MRTFA: variants seen among roughly 807,000 people sequenced by gnomAD.
MRTFA encodes myocardin related transcription factor A.
MRTFA carries 20 observed loss-of-function variants against 83.5 expected under a neutral mutation model. That is an observed-to-expected ratio of 0.24 (90% CI 0.17 to 0.35). The LOEUF (loss-of-function observed/expected upper bound fraction) is 0.35, where lower values mean the gene tolerates loss of function less well. Ranked by LOEUF, MRTFA falls within the 10% of genes least tolerant of loss-of-function variation. MRTFA has a pLI of 1.00. For synonymous variants in MRTFA, 659 were observed against 541.2 expected, an observed-to-expected ratio of 1.22 and a Z score of -3.02; for missense variants, 1,200 against 1,224.7, an observed-to-expected ratio of 0.98 and a Z score of 0.30.
At chr22:40,523,966 C>T (rs1195997316) in intron 3 of MRTFA, among the ~76,000 whole-genome samples, 2 of 152,026 alleles carry the variant, frequency 1.3e-5, no homozygotes, top group Non-Finnish European at 2.9e-5. Context: ...CCTCAAGATC[C>T]TATTTGCAAG....
chr22:40,614,548 C>T (rs1027973460), intron 1 of MRTFA, among the ~76,000 whole-genome samples: 13 of 152,098 alleles, frequency 8.5e-5, no homozygotes, highest in Admixed American at 6.6e-4. Flanking sequence ...AGTGCAATGG[C>T]GCGATCTCGG....
intron 1 of MRTFA, among the ~76,000 whole-genome samples, chr22:40,628,654 TAAA>T (rs55678346): frequency 2.1e-5 from 3 of 142,662 alleles, no homozygotes; most frequent in South Asian, 4.3e-4. Flanking sequence ...AATGTGGAAG[TAAA>T]AAAAAAAAAA....
chr22:40,566,330 C>T (rs1208443048), intron 2 of MRTFA, among the ~76,000 whole-genome samples: 2 of 151,660 alleles, frequency 1.3e-5, no homozygotes, highest in Non-Finnish European at 2.9e-5. Flanking sequence ...AAGCAATTCT[C>T]TGCCTCGGCC....
At position 40,459,074 on chromosome 22, in the gene MRTFA, C is replaced by CA. The variant is rs748583788; in HGVS notation, c.307+4146dup. ...TCGGCGACAGAGTGAGACTTTGTCT[C>CA]AAAAAAAAAAAAAAAAGACATGGAG... On this transcript the variant is annotated intron_variant, in intron 4 of 14. Transcript: ENST00000355630. Among the ~76,000 whole-genome samples the CA allele has an allele frequency of 3.2e-3, 280 of 87,234 alleles. 1 individual carries two copies. Among genetic ancestry groups the CA allele is most frequent in the South Asian group, 8.7e-3 (24 of 2,770 alleles). 57.2% of individuals were successfully genotyped at this position (87,234 alleles called of 152,430 possible).
chr22:40,463,436 G>A, intron 3 of MRTFA, 150 bp from the exon 4 acceptor site: 1 of 638,986 alleles, frequency 1.6e-6, no homozygotes, highest in Non-Finnish European at 2.8e-6. Flanking sequence ...TGTAATTGCA[G>A]AAGTGGCCTG....
intron 4 of MRTFA, among the ~76,000 whole-genome samples, chr22:40,453,764 A>T (rs1024897738): frequency 2.0e-5 from 3 of 152,098 alleles, no homozygotes; most frequent in Non-Finnish European, 2.9e-5. Context: ...AGGAGTGGGG[A>T]TGGAGGACAG....
chr22:40,575,746 G>A (rs1201984440), intron 2 of MRTFA, among the ~76,000 whole-genome samples: 7 of 152,152 alleles, frequency 4.6e-5, no homozygotes, highest in Admixed American at 4.6e-4. Flanking sequence ...ATGACCATAG[G>A]TTATTAGGTT....
chr22:40,565,870 G>A (rs1006097152), intron 2 of MRTFA, among the ~76,000 whole-genome samples: 1 of 152,144 alleles, frequency 6.6e-6, no homozygotes, highest in Non-Finnish European at 1.5e-5. Flanking sequence ...ATGAGGCACT[G>A]TATGTGTATG....
intron 2 of MRTFA, among the ~76,000 whole-genome samples, chr22:40,562,731 AG>A (rs1392921026): frequency 4.5e-4 from 22 of 48,970 alleles, no homozygotes; most frequent in East Asian, 8.8e-4. Flanking sequence ...GGAAGGGGGA[AG>A]GGGGGAAGGG....
chr22:40,411,473 G>C lies in MRTFA; in HGVS notation c.3013C>G (p.Leu1005Val), dbSNP rs1467163061. The C allele has an allele frequency of 6.2e-7, 1 of 1,605,736 alleles. No individual in the cohort carries two copies. The highest frequency in any genetic ancestry group is 2.2e-5 in the East Asian group (1 of 44,608). The change falls in exon 15 of 15, where the codon CTC becomes GTC. Residue 1005 changes from leucine (L) to valine (V), a missense_variant. Physicochemically the swap from Leu to Val is conservative, Grantham distance 32 (BLOSUM62 1). Around this residue, in one of 2 missense-constraint regions of MRTFA, gnomAD observed 1,107 missense variants for 1,041.8 expected, o/e 1.06. Coordinates refer to ENST00000355630, the MANE Select transcript of MRTFA (RefSeq NM_020831.6). ...AAGAGGCTGGGGGCTGTGGTGCTGA[G>C]GGGGGCTAGGCTCAGCACGGGACCA...
At chr22:40,581,938 A>G (rs962885899) in intron 2 of MRTFA, among the ~76,000 whole-genome samples, 1 of 152,200 alleles carries the variant, frequency 6.6e-6, no homozygotes, top group Non-Finnish European at 1.5e-5. Flanking sequence ...CACATACTAT[A>G]AAATTCGCCC....
intron 3 of MRTFA, among the ~76,000 whole-genome samples, chr22:40,511,358 A>C (rs2054664747): frequency 6.6e-6 from 1 of 152,236 alleles, no homozygotes; most frequent in Non-Finnish European, 1.5e-5. Context: ...GGTTGGGAGT[A>C]GTCACTGAGA....
intron 3 of MRTFA, among the ~76,000 whole-genome samples, chr22:40,480,909 C>T (rs865877777): frequency 3.3e-5 from 5 of 151,876 alleles, no homozygotes; most frequent in South Asian, 2.1e-4. Context: ...CCAACATGCC[C>T]GGCCAGAGTT....
Position 40,411,700 on chromosome 22 carries a change from C to G in MRTFA, c.2786G>C (p.Ser929Thr). The G allele has an allele frequency of 6.3e-7, 1 of 1,591,214 alleles. No homozygotes were observed. The highest frequency in any genetic ancestry group is 1.1e-5 in the South Asian group (1 of 87,390). ...AAGGGGCTCTGGCCCGTCATGCCCA[C>G]TGGTCAGCAGGGGCAGCCCCGTGCT... The change falls in exon 15 of 15, where the codon AGT (serine) becomes ACT (threonine). Residue 929 changes from serine (S) to threonine (T), a missense_variant. By Grantham distance (58) the Ser-to-Thr change is moderately conservative (BLOSUM62 1). Transcript: ENST00000355630.
chr22:40,485,821 C>G (rs2054165748), intron 3 of MRTFA, among the ~76,000 whole-genome samples: 1 of 152,168 alleles, frequency 6.6e-6, no homozygotes, highest in Admixed American at 6.5e-5. Flanking sequence ...GGAGGAGGAG[C>G]AAGGGCTGTG....
chr22:40,530,122 C>A lies in MRTFA; in HGVS notation c.241+21984G>T, dbSNP rs866298736. Reference sequence around the variant, plus strand: ...CCTGCTGTTGTTATAACTAAGAGGACTGCACTAGATGGATACACCTTAGGG... The same window carrying A: ...CCTGCTGTTGTTATAACTAAGAGGAATGCACTAGATGGATACACCTTAGGG... On this transcript the variant is annotated intron_variant, in intron 3 of 14. Coordinates refer to ENST00000355630, the MANE Select transcript of MRTFA (RefSeq NM_020831.6). 8.5e-5 allele frequency among the ~76,000 whole-genome samples: 13 copies of A among 152,284 alleles called. 1 individual carries two copies. The highest frequency in any genetic ancestry group is 3.4e-3 in the Middle Eastern group (1 of 294).
chr22:40,607,622 G>A (rs764925884), intron 1 of MRTFA, among the ~76,000 whole-genome samples: 13 of 152,098 alleles, frequency 8.5e-5, no homozygotes, highest in Non-Finnish European at 1.5e-4. Context: ...GGACAGAAAG[G>A]TATCCTTAAA....
At chr22:40,541,965 C>A (rs1160183332) in intron 3 of MRTFA, among the ~76,000 whole-genome samples, 1 of 151,830 alleles carries the variant, frequency 6.6e-6, no homozygotes, top group African/African-American at 2.4e-5. Flanking sequence ...TGCATCCAGC[C>A]TAGGTGATGG....
intron 3 of MRTFA, among the ~76,000 whole-genome samples, chr22:40,502,098 G>A (rs2054494533): frequency 7.1e-6 from 1 of 141,006 alleles, no homozygotes; most frequent in Non-Finnish European, 1.6e-5. Flanking sequence ...CTTCCCAGTA[G>A]GGGCGGCCGG....
Sources: allele counts gnomAD v4.1 joint callset (sites outside exome capture counted in the v4.1 genomes callset), GRCh38; gene constraint gnomAD v4.1.1; regional missense constraint gnomAD v4.1.1; transcripts MANE v1.5; gene names NCBI Gene and HGNC (gene_info 2026-07-23, HGNC 2026-07-21).